The following CYP20A1 variants were observed in gnomAD, a reference collection of about 807,000 sequenced individuals.
The protein encoded by CYP20A1 is cytochrome P450 family 20 subfamily A member 1, also known as cytochrome P450 20A1.
A neutral mutation model predicts 61.4 loss-of-function variants in CYP20A1; 61 were observed. The ratio of observed to expected loss-of-function variants is 0.99; its 90% CI spans 0.81 to 1.23. The LOEUF is 1.23. Among genes scored for constraint, CYP20A1 ranks in the 50% most tolerant of loss-of-function variants. CYP20A1 has a pLI of 0.00. For synonymous variants in CYP20A1, 193 were observed against 188.2 expected (o/e 1.03, Z -0.21); for missense variants, 530 against 542.4 (o/e 0.98, Z 0.23).
chr2:203,245,376 A>G (rs543226577), intron 1 of CYP20A1, among the ~76,000 whole-genome samples: 1 of 149,162 alleles, frequency 6.7e-6, no homozygotes, highest in East Asian at 2.0e-4. Flanking sequence ...TTTTAAGTTC[A>G]GGGGTACAAG....
At chr2:203,277,205 G>A (rs537876943) in intron 6 of CYP20A1, among the ~76,000 whole-genome samples, 25 of 152,096 alleles carry the variant, frequency 1.6e-4, no homozygotes, top group African/African-American at 5.5e-4. Context: ...AAAATTAGCC[G>A]GGCGTGGTGG....
intron 3 of CYP20A1, among the ~76,000 whole-genome samples, chr2:203,248,485 G>A (rs1411334801): frequency 6.6e-6 from 1 of 151,916 alleles, no homozygotes; most frequent in Non-Finnish European, 1.5e-5. Flanking sequence ...AGTGAGCTGA[G>A]ATCATACCAC....
At chr2:203,295,381 A>C (rs1250625015) in intron 11 of CYP20A1, among the ~76,000 whole-genome samples, 2 of 152,122 alleles carry the variant, frequency 1.3e-5, no homozygotes, top group African/African-American at 4.8e-5. Context: ...AGCCTCTCTC[A>C]CCTATTAATA....
chr2:203,285,110 A>G (rs2068211947), intron 8 of CYP20A1, among the ~76,000 whole-genome samples: 1 of 151,970 alleles, frequency 6.6e-6, no homozygotes, highest in Non-Finnish European at 1.5e-5. Context: ...ACCACTCACA[A>G]ATTTTGAGCC....
chr2:203,281,715 C>A (rs1273731370), intron 8 of CYP20A1, among the ~76,000 whole-genome samples: 1 of 151,908 alleles, frequency 6.6e-6, no homozygotes, highest in Non-Finnish European at 1.5e-5. Flanking sequence ...GCAAAAGAAT[C>A]GCTTGAACCC....
intron 9 of CYP20A1, among the ~76,000 whole-genome samples, chr2:203,287,321 T>A (rs1191983461): frequency 6.6e-6 from 1 of 152,128 alleles, no homozygotes; most frequent in African/African-American, 2.4e-5. Flanking sequence ...ACTATTATTT[T>A]AAAAGTAATA....
At chr2:203,268,252 T>C (rs2067415408) in intron 5 of CYP20A1, among the ~76,000 whole-genome samples, 1 of 152,218 alleles carries the variant, frequency 6.6e-6, no homozygotes, top group South Asian at 2.1e-4. Flanking sequence ...AACATAGTTA[T>C]CAAGTTTCTT....
intron 4 of CYP20A1, among the ~76,000 whole-genome samples, chr2:203,257,181 G>A (rs1462937151): frequency 6.6e-6 from 1 of 151,932 alleles, no homozygotes; most frequent in Non-Finnish European, 1.5e-5. Context: ...AGCTGAGCAT[G>A]GTGGTGTATG....
chr2:203,269,803 A>G (rs2067489252), intron 5 of CYP20A1, among the ~76,000 whole-genome samples: 1 of 151,600 alleles, frequency 6.6e-6, no homozygotes, highest in African/African-American at 2.4e-5. Context: ...TAATTTTTGT[A>G]TTTTTAGTAG....
intron 1 of CYP20A1, among the ~76,000 whole-genome samples, chr2:203,244,867 G>A (rs898474495): frequency 6.6e-6 from 1 of 151,368 alleles, no homozygotes; most frequent in African/African-American, 2.4e-5. Context: ...CGAGTAGCTG[G>A]GACTACAGGC....
At chr2:203,280,028 C>T in intron 7 of CYP20A1, 31 bp from the exon 8 acceptor site, 1 of 1,548,648 alleles carries the variant, frequency 6.5e-7, no homozygotes, top group Non-Finnish European at 8.8e-7. Context: ...TTACATTTTT[C>T]ACACTTTCTA....
At chr2:203,287,215 C>CAAAAAAAAA (rs1168549640) in intron 9 of CYP20A1, among the ~76,000 whole-genome samples, 3 of 47,038 alleles carry the variant, frequency 6.4e-5, no homozygotes, top group Admixed American at 3.4e-4. Context: ...GACCCTATCT[C>CAAAAAAAAA]AAAAAAAAAA....
intron 8 of CYP20A1, among the ~76,000 whole-genome samples, chr2:203,281,818 A>C (rs2068054916): frequency 6.6e-6 from 1 of 152,032 alleles, no homozygotes; most frequent in Non-Finnish European, 1.5e-5. Context: ...AACAAAAAAC[A>C]AAAGGAAGTA....
rs780852501 is a variant in CYP20A1, at chr2:203,289,815, C to T, written c.1022C>T (p.Pro341Leu). ...CETVRTAKLTPVSAQLQDIEG... is the reference protein window; with the variant it reads ...CETVRTAKLTLVSAQLQDIEG... The stretch of plus-strand genomic sequence containing the variant: ...ACTGTTCGAACTGCCAAACTGACTC[C>T]AGTTTCTGCCCAGCTTCAAGATATT... Residue 341 changes from proline (P) to leucine (L), a missense_variant, in exon 10 of 13, where the codon CCA (proline) becomes CTA (leucine). By Grantham distance (98) the Pro-to-Leu change is moderately conservative. Coordinates refer to ENST00000356079, the MANE Select transcript of CYP20A1 (RefSeq NM_177538.3). 2 of 1,601,694 alleles carry T rather than the reference C, an allele frequency of 1.2e-6. No individual in the cohort carries two copies. The highest frequency in any genetic ancestry group is 1.1e-5 in the South Asian group (1 of 88,770).
chr2:203,240,913 A>C (rs1362231124), intron 1 of CYP20A1, among the ~76,000 whole-genome samples: 1 of 152,190 alleles, frequency 6.6e-6, no homozygotes, highest in Non-Finnish European at 1.5e-5. Context: ...TTATTAGATA[A>C]ATTTTAAAAG....
At chr2:203,239,670 G>A (rs536773414) in intron 1 of CYP20A1, among the ~76,000 whole-genome samples, 2 of 152,242 alleles carry the variant, frequency 1.3e-5, no homozygotes, top group Admixed American at 6.5e-5. Flanking sequence ...AGGGGCTCCA[G>A]GCAAATGCTT....
At chr2:203,296,680 G>A in intron 12 of CYP20A1, 78 bp from the exon 13 acceptor site, 1 of 1,477,922 alleles carries the variant, frequency 6.8e-7, no homozygotes, top group African/African-American at 1.4e-5. Flanking sequence ...TTTAAGTTCT[G>A]GGGTTCATGT....
intron 4 of CYP20A1, among the ~76,000 whole-genome samples, chr2:203,254,240 C>T (rs558756531): frequency 1.0e-3 from 156 of 152,176 alleles, no homozygotes; most frequent in African/African-American, 3.5e-3. Flanking sequence ...CCACCGTGCC[C>T]GGCCTTGTTC....
chr2:203,246,122 G>C (rs565007680), intron 2 of CYP20A1, among the ~76,000 whole-genome samples: 57 of 152,184 alleles, frequency 3.7e-4, no homozygotes, highest in African/African-American at 1.2e-3. Flanking sequence ...AAATAAATAA[G>C]TAAAAAGAAA....
Sources: allele counts gnomAD v4.1 joint callset (sites outside exome capture counted in the v4.1 genomes callset), GRCh38; gene constraint gnomAD v4.1.1; transcripts MANE v1.5; gene names NCBI Gene and HGNC (gene_info 2026-07-23, HGNC 2026-07-21).